Variants in TNS3 observed in about 807,000 individuals in gnomAD.
TNS3 encodes tensin 3.
TNS3 carries 45 observed loss-of-function variants against 140.9 expected under a neutral mutation model. That is an observed-to-expected ratio of 0.32 (90% CI 0.25 to 0.41). The LOEUF is 0.41. TNS3 is among the 10% of genes least tolerant of loss of function. The pLI is 1.00. For synonymous variants in TNS3, 815 were observed against 788.4 expected (o/e 1.03, Z -0.56); for missense variants, 1,716 against 1,906.7 (o/e 0.90, Z 1.86).
chr7:47,579,984 G>A, intron 1 of TNS3: 1 of 252,002 alleles, frequency 4.0e-6, no homozygotes, highest in Non-Finnish European at 6.1e-6. Flanking sequence ...CAAAACATTA[G>A]GTGCCAAAGA....
chr7:47,580,005 T>C (rs367731080), intron 1 of TNS3: 2 of 158,420 alleles, frequency 1.3e-5, no homozygotes, highest in African/African-American at 4.9e-5. Context: ...GACACTTTGT[T>C]AAAAAAAAAA....
intron 1 of TNS3, among the ~76,000 whole-genome samples, chr7:47,568,777 A>G (rs1263315248): frequency 6.6e-6 from 1 of 152,222 alleles, no homozygotes; most frequent in African/African-American, 2.4e-5. Context: ...AGTGGCACCC[A>G]CGTGATACCC....
intron 1 of TNS3, among the ~76,000 whole-genome samples, chr7:47,531,254 A>G (rs1245980569): frequency 6.6e-6 from 1 of 152,194 alleles, no homozygotes; most frequent in Non-Finnish European, 1.5e-5. Flanking sequence ...CCTGAATCTA[A>G]AAGTTAAAAA....
chr7:47,330,776 G>T (rs1788290306), intron 20 of TNS3, among the ~76,000 whole-genome samples: 1 of 152,078 alleles, frequency 6.6e-6, no homozygotes, highest in African/African-American at 2.4e-5. Flanking sequence ...CACACGGGAA[G>T]GGATGAGCAA....
intron 12 of TNS3, among the ~76,000 whole-genome samples, chr7:47,413,570 C>T (rs1244552560): frequency 6.6e-6 from 1 of 151,780 alleles, no homozygotes; most frequent in Middle Eastern, 3.2e-3. Context: ...CACACTTGAA[C>T]ATCCTCGGAT....
At chr7:47,550,579 G>A (rs959576001) in intron 1 of TNS3, among the ~76,000 whole-genome samples, 22 of 152,134 alleles carry the variant, frequency 1.4e-4, no homozygotes, top group Non-Finnish European at 1.0e-4. Context: ...AGGCACATGA[G>A]AACAAAATCT....
At chr7:47,564,651 A>AAC (rs954643601) in intron 1 of TNS3, among the ~76,000 whole-genome samples, 1 of 10,432 alleles carries the variant, frequency 9.6e-5, no homozygotes, top group African/African-American at 2.7e-4. Context: ...AAAAAAAAAC[A>AAC]AAAAAAAACA....
chr7:47,297,243 G>A (rs1356146239), intron 23 of TNS3, 30 bp from the exon 24 acceptor site: 32 of 1,592,330 alleles, frequency 2.0e-5, no homozygotes, highest in African/African-American at 2.7e-5. Flanking sequence ...AGACAAGAAG[G>A]TCTGCCGGGT....
At chr7:47,472,223 A>G (rs1796984280) in intron 4 of TNS3, among the ~76,000 whole-genome samples, 1 of 152,216 alleles carries the variant, frequency 6.6e-6, no homozygotes, top group Non-Finnish European at 1.5e-5. Context: ...CTCTGTCATC[A>G]TTCCAAATAA....
intron 20 of TNS3, among the ~76,000 whole-genome samples, chr7:47,311,438 GTA>G (rs943590673): frequency 7.5e-6 from 1 of 132,916 alleles, no homozygotes; most frequent in East Asian, 2.1e-4. Flanking sequence ...GTGTGTGTGT[GTA>G]TACATATATA....
chr7:47,364,995 T>C (rs1379009666), intron 17 of TNS3, among the ~76,000 whole-genome samples: 1 of 152,226 alleles, frequency 6.6e-6, no homozygotes, highest in African/African-American at 2.4e-5. Flanking sequence ...CAAATATGAA[T>C]AGATTAATAA....
chr7:47,564,642 A>AAAAAAAC (rs1800387897), intron 1 of TNS3, among the ~76,000 whole-genome samples: 2 of 57,108 alleles, frequency 3.5e-5, no homozygotes, highest in Non-Finnish European at 7.4e-5. Flanking sequence ...TCTCAAAAAA[A>AAAAAAAC]AAAAAAACAA....
In TNS3 at chr7:47,292,898, C is replaced by G. The variant is rs756569066; in HGVS notation, c.3780G>C (p.Leu1260=). 1.9e-6 allele frequency: 3 copies of G among 1,613,966 alleles called. No individual in the cohort carries two copies. The African/African-American group carries it at 4.0e-5, about 22-fold the overall frequency. ...TGGAATGCTGGCACACCAAGGCCGT[C>G]AGGCTCCCTGCAAAGTGGACAGACA... is the stretch of plus-strand genomic sequence containing the variant. ...GCSNEPYFGS[L]TALVCQHSIT... is the part of the protein sequence containing the mutation. Residue 1260 remains leucine (L), a synonymous_variant, in exon 26 of 31, where the codon CTG becomes CTC. Transcript: ENST00000311160.
chr7:47,515,712 CCCA>C (rs1371039970), intron 2 of TNS3, among the ~76,000 whole-genome samples: 2 of 152,058 alleles, frequency 1.3e-5, no homozygotes, highest in Non-Finnish European at 2.9e-5. Context: ...CACGCCACCA[CCCA>C]CCATCACCAT....
At position 47,505,261 on chromosome 7, in the gene TNS3, AC is replaced by A. The variant is rs556613126; in HGVS notation, c.-115+1645del. The stretch of plus-strand genomic sequence containing the variant: ...AAGTCTGAAATGCTCCCCCAAAGGT[AC>A]AATCTTCCCACTCACCACTGCATTC... On this transcript the variant is annotated intron_variant, in intron 3 of 30. Transcript: ENST00000311160. 8.0e-3 allele frequency among the ~76,000 whole-genome samples: 1,226 copies of A among 152,318 alleles called. 21 individuals are homozygous for A. Among genetic ancestry groups the A allele is most frequent in the African/African-American group, 0.028 (1,167 of 41,562 alleles).
At chr7:47,292,735 T>A in intron 26 of TNS3, 93 bp downstream of exon 26, 5 of 1,173,500 alleles carry the variant, frequency 4.3e-6, no homozygotes, top group Non-Finnish European at 6.1e-6. Context: ...AGTCTTATTA[T>A]TTTTCTCAGT....
At chr7:47,562,088 C>T (rs1800328448) in intron 1 of TNS3, among the ~76,000 whole-genome samples, 1 of 152,222 alleles carries the variant, frequency 6.6e-6, no homozygotes, top group African/African-American at 2.4e-5. Context: ...AGTTGCAATA[C>T]AGTTTGATAG....
At chr7:47,375,540 G>C (rs1199260370) in intron 16 of TNS3, among the ~76,000 whole-genome samples, 4 of 152,194 alleles carry the variant, frequency 2.6e-5, no homozygotes, top group Admixed American at 2.6e-4. Context: ...CCCTGCAGGG[G>C]ATCCTTCTCT....
chr7:47,368,704 C>CTGT lies in TNS3; in HGVS notation c.1941_1942insACA (p.Val647_Gly648insThr). 6.3e-7 allele frequency: 1 copy of CTGT among 1,583,184 alleles called. No individual in the cohort carries two copies. The highest frequency in any genetic ancestry group is 8.6e-7 in the Non-Finnish European group (1 of 1,164,876). On this transcript the variant is annotated inframe_insertion, in exon 17 of 31. Transcript: ENST00000311160. ...GTGTCAGGGGGATGTGGCCCACTGC[C>CTGT]TACACCCCTCTGGACAGCCACCCTA...
Sources: allele counts gnomAD v4.1 joint callset (sites outside exome capture counted in the v4.1 genomes callset), GRCh38; gene constraint gnomAD v4.1.1; transcripts MANE v1.5; gene names NCBI Gene and HGNC (gene_info 2026-07-23, HGNC 2026-07-21).